The following IDE variants were observed in gnomAD, a reference collection of about 807,000 sequenced individuals.
IDE encodes insulin-degrading enzyme.
A neutral mutation model predicts 133.2 loss-of-function variants in IDE; 58 were observed. The ratio of observed to expected loss-of-function variants is 0.44; its 90% CI spans 0.35 to 0.54. The LOEUF (loss-of-function observed/expected upper bound fraction) is 0.54. Among genes scored for constraint, IDE ranks in the 20% least tolerant of loss-of-function variants. The pLI, the probability that IDE is intolerant of heterozygous loss-of-function variation, is 0.00. For missense variants in IDE, 981 were observed against 1,234.0 expected (o/e 0.79, Z 3.07); for synonymous variants, 396 against 421.3 (o/e 0.94, Z 0.73).
At position 92,531,923 on chromosome 10, in the gene IDE, G is replaced by A; in HGVS notation, c.492-6C>T. On this transcript the variant is annotated splice_region_variant and splice_polypyrimidine_tract_variant and intron_variant, in intron 3 of 24. Coordinates refer to ENST00000265986, the MANE Select transcript of IDE (RefSeq NM_004969.4). The stretch of plus-strand genomic sequence containing the variant: ...ACAGAAAAAACTGTGCAAACCTAAG[G>A]GTACGAAACATAATTAAAACTTGAA... The A allele has an allele frequency of 6.7e-7, 1 of 1,483,054 alleles. No homozygotes were observed. The highest frequency in any genetic ancestry group is 1.5e-5 in the South Asian group (1 of 67,944). The allele number at this position is 1,483,054 out of a possible 1,614,324, so 91.9% of individuals were successfully genotyped here.
At chr10:92,514,898 A>C (rs1191707453) in intron 5 of IDE, 22 bp downstream of exon 5, 2 of 1,594,964 alleles carry the variant, frequency 1.3e-6, no homozygotes, top group East Asian at 4.5e-5. Flanking sequence ...CCAATTCTAT[A>C]AAAAATTGTA....
chr10:92,476,203 C>A (rs1436723423), intron 15 of IDE, among the ~76,000 whole-genome samples: 3 of 146,488 alleles, frequency 2.0e-5, no homozygotes, highest in Non-Finnish European at 4.5e-5. Context: ...GACAGAGTTT[C>A]GCTCTTGTTG....
intron 1 of IDE, among the ~76,000 whole-genome samples, chr10:92,538,695 G>A (rs1163333367): frequency 6.6e-6 from 1 of 151,716 alleles, no homozygotes; most frequent in Admixed American, 6.6e-5. Flanking sequence ...GCAGTGAAGG[G>A]ACTTTCCAGA....
chr10:92,490,527 T>C lies in IDE; in HGVS notation c.1499A>G (p.Tyr500Cys), dbSNP rs754424004. The C allele has an allele frequency of 1.2e-6, 2 of 1,612,038 alleles. No individual in the cohort carries two copies. The highest frequency in any genetic ancestry group is 1.7e-6 in the Non-Finnish European group (2 of 1,178,194). ...TTCATCCGGTATAGCTTCTTGTTTG[T>C]ACTGGGTTCCATACCACTCTTCTGT... is the stretch of plus-strand genomic sequence containing the variant. ...DRTEEWYGTQ[Y>C]KQEAIPDEVI... Residue 500 changes from tyrosine (Y) to cysteine (C), a missense_variant, in exon 12 of 25, where the codon TAC (tyrosine) becomes TGC (cysteine). Transcript: ENST00000265986.
At chr10:92,540,318 C>T (rs987165334) in intron 1 of IDE, among the ~76,000 whole-genome samples, 11 of 151,694 alleles carry the variant, frequency 7.3e-5, no homozygotes, top group Non-Finnish European at 1.2e-4. Context: ...GCAGCAAATG[C>T]CTTCAGTGTG....
At chr10:92,520,570 G>C (rs575238676) in intron 4 of IDE, among the ~76,000 whole-genome samples, 1 of 152,310 alleles carries the variant, frequency 6.6e-6, no homozygotes, top group African/African-American at 2.4e-5. Context: ...CCTATAGCTA[G>C]TTACTTGGAA....
intron 7 of IDE, 56 bp downstream of exon 7, chr10:92,508,672 G>A: frequency 6.6e-7 from 1 of 1,512,168 alleles, no homozygotes; most frequent in South Asian, 1.1e-5. Context: ...GAGAAAATGA[G>A]AGCCAGAGTG....
At chr10:92,497,663 TA>T in intron 11 of IDE, 1 of 924,332 alleles carries the variant, frequency 1.1e-6, no homozygotes, top group Non-Finnish European at 1.3e-6. Context: ...TTAAAGAAGG[TA>T]ATCTTACCCT....
Position 92,455,241 on chromosome 10 carries a change from C to T in IDE, c.2964+335G>A, listed in dbSNP as rs146528942. ...CTGTAATCCCAGCACTCTGGGAGGC[C>T]GACGCAGGTGGATCACTTGAGGTCA... On this transcript the variant is annotated intron_variant, in intron 24 of 24. Transcript: ENST00000265986. Among the ~76,000 whole-genome samples, 115 of 151,162 alleles carry T rather than the reference C, an allele frequency of 7.6e-4. 1 individual carries two copies. The highest frequency in any genetic ancestry group is 2.6e-3 in the African/African-American group (108 of 41,490).
chr10:92,532,524 T>C (rs1183080985), intron 3 of IDE, among the ~76,000 whole-genome samples: 1 of 152,186 alleles, frequency 6.6e-6, no homozygotes, highest in Non-Finnish European at 1.5e-5. Context: ...TATGGGCGTT[T>C]ATGAAATCAT....
chr10:92,547,027 C>T (rs1391571896), intron 1 of IDE, among the ~76,000 whole-genome samples: 1 of 152,186 alleles, frequency 6.6e-6, no homozygotes, highest in Non-Finnish European at 1.5e-5. Flanking sequence ...CCCACAGATG[C>T]TTCATGAACC....
intron 1 of IDE, among the ~76,000 whole-genome samples, chr10:92,548,352 T>C (rs1589521785): frequency 3.5e-5 from 2 of 56,738 alleles, no homozygotes; most frequent in African/African-American, 7.2e-5. Flanking sequence ...AGAGCAAAAC[T>C]CCATCTCAAA....
intron 11 of IDE, among the ~76,000 whole-genome samples, chr10:92,499,427 G>A (rs569499014): frequency 2.4e-4 from 37 of 151,758 alleles, no homozygotes; most frequent in African/African-American, 7.7e-4. Context: ...TTATAGGCAT[G>A]AGCCACCGCA....
In IDE at chr10:92,487,188, C is replaced by T. The variant is rs1440053355; in HGVS notation, c.1656+8G>A. 16 of 1,606,420 alleles carry T rather than the reference C, an allele frequency of 1.0e-5. No individual in the cohort carries two copies. The highest frequency in any genetic ancestry group is 2.2e-5 in the East Asian group (1 of 44,730). On this transcript the variant is annotated splice_region_variant and intron_variant, in intron 13 of 24. Transcript: ENST00000265986. Reference sequence around the variant, plus strand: ...CCAAATTTAAAATCACTGATTCAAACACATTACCTTAATAAGAGCAGGGTA... The same window carrying T: ...CCAAATTTAAAATCACTGATTCAAATACATTACCTTAATAAGAGCAGGGTA...
At chr10:92,563,390 T>C (rs539328160) in intron 1 of IDE, among the ~76,000 whole-genome samples, 16 of 150,946 alleles carry the variant, frequency 1.1e-4, no homozygotes, top group Non-Finnish European at 2.4e-4. Flanking sequence ...ATGCGGAGTT[T>C]GCAGTGAGCC....
chr10:92,504,373 A>T (rs1848184155), intron 11 of IDE, among the ~76,000 whole-genome samples: 1 of 152,192 alleles, frequency 6.6e-6, no homozygotes, highest in Non-Finnish European at 1.5e-5. Context: ...CTGAGATTGT[A>T]ATCTTTACTG....
intron 12 of IDE, among the ~76,000 whole-genome samples, chr10:92,487,892 G>A (rs188327612): frequency 2.0e-5 from 3 of 152,092 alleles, no homozygotes; most frequent in African/African-American, 7.2e-5. Context: ...CACCTCCTGC[G>A]TTCAAGTGAT....
chr10:92,569,601 T>C (rs1843696346), intron 1 of IDE, among the ~76,000 whole-genome samples: 1 of 152,072 alleles, frequency 6.6e-6, no homozygotes, highest in Admixed American at 6.6e-5. Context: ...GGGAAAAAGA[T>C]TCAAAGATTT....
At position 92,458,540 on chromosome 10, in the gene IDE, C is replaced by T. The variant is rs182622836; in HGVS notation, c.2824-2109G>A. Among the ~76,000 whole-genome samples, 202 of 123,028 alleles carry T rather than the reference C, an allele frequency of 1.6e-3. 2 individuals are homozygous for T. The East Asian group carries it at 0.033, about 20-fold the overall frequency. The allele number at this position is 123,028 out of a possible 152,430, so 80.7% of individuals were successfully genotyped here. A position where few individuals can be genotyped will look rare whatever the true frequency, so the allele number is the denominator to read the frequency against. On this transcript the variant is annotated intron_variant, in intron 22 of 24. Transcript: ENST00000265986. ...TTTTTGAGATGGAGTCTCGCTCTGT[C>T]GCCCAGGCTGGAGTGCAGTGGTGCT...
Sources: gnomAD v4.1 joint callset for allele counts (sites outside exome capture counted in the v4.1 genomes callset) on GRCh38, gnomAD v4.1.1 for gene constraint, MANE v1.5 for transcripts, NCBI Gene and HGNC (gene_info 2026-07-23, HGNC 2026-07-21) for gene names.